Variants in IL1RAPL1 observed in about 807,000 individuals in gnomAD.
IL1RAPL1 encodes the protein interleukin-1 receptor accessory protein-like 1.
In IL1RAPL1, 3 loss-of-function variants were observed where a neutral mutation model predicts 48.4. That is an observed-to-expected ratio of 0.06 (90% confidence interval 0.03 to 0.16). The LOEUF is 0.16. Among genes scored for constraint, IL1RAPL1 ranks in the 10% least tolerant of loss-of-function variants. The probability of loss-of-function intolerance (pLI) is 1.00; values close to 1 mark genes in which losing one functional copy is unlikely to be tolerated. For missense variants in IL1RAPL1, 349 were observed against 530.6 expected (o/e 0.66, Z 3.36); for synonymous variants, 185 against 187.7 (o/e 0.99, Z 0.12).
rs144323805 is a variant in IL1RAPL1 at position 28,983,140 on chromosome X, C to A, written c.82+193715C>A. On this transcript the variant is annotated intron_variant, in intron 2 of 10. Coordinates refer to ENST00000378993, the MANE Select transcript of IL1RAPL1 (RefSeq NM_014271.4). ...TAGATGGATCCTTGACTGTAATTTA[C>A]TTTGCTGAAGTGTCCATCTCTCTAT... Among the ~76,000 whole-genome samples, 96 of 112,265 alleles carry A rather than the reference C, an allele frequency of 8.6e-4. No individual in the cohort carries two copies. In the East Asian group the frequency reaches 0.024, roughly 28 times the overall value.
intron 6 of IL1RAPL1, among the ~76,000 whole-genome samples, chrX:29,903,867 A>G (rs975857326): frequency 8.9e-6 from 1 of 111,808 alleles, no homozygotes; most frequent in Non-Finnish European, 1.9e-5. Context: ...ATTTAGTGCA[A>G]TTTACTGTGG....
intron 3 of IL1RAPL1, among the ~76,000 whole-genome samples, chrX:29,332,629 TTTATTTATTTATTTA>T (rs1377792693): frequency 2.0e-5 from 2 of 100,858 alleles, no homozygotes; most frequent in Non-Finnish European, 3.9e-5. Context: ...TATTTATTTA[TTTATTTATTTATTTA>T]TTTATTTTAT....
chrX:29,701,983 G>A (rs748609004), intron 6 of IL1RAPL1, among the ~76,000 whole-genome samples: 56 of 111,724 alleles, frequency 5.0e-4, no homozygotes, highest in Non-Finnish European at 8.9e-4. Context: ...GGCCAGGCGC[G>A]GTGGCTCATG....
intron 2 of IL1RAPL1, among the ~76,000 whole-genome samples, chrX:28,994,468 T>C (rs191344594): frequency 3.9e-4 from 44 of 111,458 alleles, no homozygotes; most frequent in Middle Eastern, 4.7e-3. Flanking sequence ...TGGGAGGTCA[T>C]TTTGGACCTG....
At position 29,576,289 on chromosome X, in the gene IL1RAPL1, T is replaced by A. The variant is rs191808381; in HGVS notation, c.704-92141T>A. On this transcript the variant is annotated intron_variant, in intron 5 of 10. Coordinates refer to ENST00000378993, the MANE Select transcript of IL1RAPL1 (RefSeq NM_014271.4). Reference sequence around the variant, plus strand: ...TACTTGAATACACAGCTGGACAAGATGCTCATTAGTTTATTTTCTATTTTA... The same window carrying A: ...TACTTGAATACACAGCTGGACAAGAAGCTCATTAGTTTATTTTCTATTTTA... Among the ~76,000 whole-genome samples the A allele has an allele frequency of 2.7e-3, 308 of 112,069 alleles. 1 individual carries two copies. Among genetic ancestry groups the A allele is most frequent in the African/African-American group, 9.5e-3 (294 of 30,838 alleles).
intron 5 of IL1RAPL1, among the ~76,000 whole-genome samples, chrX:29,656,628 ATT>A (rs201272275): frequency 0.024 from 2,604 of 109,082 alleles, 75 homozygotes; most frequent in African/African-American, 0.082. Flanking sequence ...TAGGTATTTC[ATT>A]TTATATATAT....
intron 6 of IL1RAPL1, among the ~76,000 whole-genome samples, chrX:29,851,082 C>T (rs1050779705): frequency 9.0e-6 from 1 of 111,731 alleles, no homozygotes; most frequent in Admixed American, 9.5e-5. Flanking sequence ...CATTTTGATT[C>T]GTTTCTAATG....
intron 6 of IL1RAPL1, among the ~76,000 whole-genome samples, chrX:29,859,833 G>A (rs1434964216): frequency 2.7e-5 from 3 of 111,644 alleles, no homozygotes; most frequent in Non-Finnish European, 5.7e-5. Context: ...ACATTAAAGT[G>A]CCATTGAATG....
At chrX:29,692,538 G>T (rs773921235) in intron 6 of IL1RAPL1, among the ~76,000 whole-genome samples, 1 of 111,925 alleles carries the variant, frequency 8.9e-6, no homozygotes, top group East Asian at 2.8e-4. Flanking sequence ...ATACGTATTT[G>T]TAATTATTAA....
intron 5 of IL1RAPL1, among the ~76,000 whole-genome samples, chrX:29,512,603 A>G (rs1475106800): frequency 8.9e-6 from 1 of 111,906 alleles, no homozygotes; most frequent in Non-Finnish European, 1.9e-5. Context: ...AGAAGGTTAA[A>G]CTGATGAATT....
chrX:29,234,780 C>T (rs747595922), intron 2 of IL1RAPL1, among the ~76,000 whole-genome samples: 24 of 112,220 alleles, frequency 2.1e-4, no homozygotes, highest in Admixed American at 2.8e-4. Context: ...TACTAAGCTT[C>T]GGTTTTCCAA....
intron 5 of IL1RAPL1, among the ~76,000 whole-genome samples, chrX:29,636,837 G>A (rs1178548416): frequency 2.7e-5 from 3 of 111,289 alleles, no homozygotes; most frequent in African/African-American, 9.8e-5. Context: ...TCAGGAGTTC[G>A]AGACCAGCCT....
chrX:29,469,364 T>C (rs1446635274), intron 5 of IL1RAPL1, among the ~76,000 whole-genome samples: 2 of 111,914 alleles, frequency 1.8e-5, no homozygotes, highest in African/African-American at 6.5e-5. Context: ...GTTTTACAGG[T>C]CAATGCACCA....
At chrX:28,633,303 G>T (rs942403511) in intron 1 of IL1RAPL1, among the ~76,000 whole-genome samples, 35 of 111,322 alleles carry the variant, frequency 3.1e-4, no homozygotes, top group African/African-American at 1.0e-3. Context: ...ACCATTGGTG[G>T]TCCCTGTAGC....
At chrX:29,466,831 A>G (rs950527163) in intron 5 of IL1RAPL1, among the ~76,000 whole-genome samples, 6 of 111,982 alleles carry the variant, frequency 5.4e-5, no homozygotes, top group Non-Finnish European at 9.4e-5. Flanking sequence ...GGAAGTTATG[A>G]TATCCATTAT....
At chrX:28,737,114 T>C (rs1247362077) in intron 1 of IL1RAPL1, among the ~76,000 whole-genome samples, 6 of 36,368 alleles carry the variant, frequency 1.6e-4, no homozygotes, top group South Asian at 2.9e-3. Flanking sequence ...TTTCTCTTCT[T>C]TTCCTTCCTT....
At chrX:29,485,786 T>C (rs1935088893) in intron 5 of IL1RAPL1, among the ~76,000 whole-genome samples, 2 of 111,647 alleles carry the variant, frequency 1.8e-5, no homozygotes, top group African/African-American at 6.5e-5. Flanking sequence ...CTCCTTGATG[T>C]CATCACACTT....
intron 8 of IL1RAPL1, among the ~76,000 whole-genome samples, chrX:29,922,204 T>A (rs981644831): frequency 9.0e-6 from 1 of 111,078 alleles, no homozygotes; most frequent in African/African-American, 3.3e-5. Flanking sequence ...ACCTCCAGGC[T>A]AAGTTGCCCA....
intron 5 of IL1RAPL1, among the ~76,000 whole-genome samples, chrX:29,519,042 G>A (rs746805228): frequency 6.9e-4 from 77 of 111,491 alleles, no homozygotes; most frequent in Non-Finnish European, 5.1e-4. Context: ...GGCTGTGAAA[G>A]AAAGAAAGGA....
Sources: gnomAD v4.1 joint callset for allele counts (sites outside exome capture counted in the v4.1 genomes callset) on GRCh38, gnomAD v4.1.1 for gene constraint, MANE v1.5 for transcripts, NCBI Gene and HGNC (gene_info 2026-07-23, HGNC 2026-07-21) for gene names.